The following IPO7 variants were observed in gnomAD, a reference collection of about 807,000 sequenced individuals.
IPO7 encodes the protein importin-7.
IPO7 carries 13 observed loss-of-function variants against 136.4 expected under a neutral mutation model. The observed-to-expected ratio is 0.10, with a 90% CI of 0.06 to 0.15. The LOEUF (loss-of-function observed/expected upper bound fraction) is 0.15. Among genes scored for constraint, IPO7 ranks in the 10% least tolerant of loss-of-function variants. The pLI, the probability that IPO7 is intolerant of heterozygous loss-of-function variation, is 1.00. For missense variants in IPO7, 857 were observed against 1,240.6 expected (o/e 0.69, Z 4.65); for synonymous variants, 403 against 404.4 (o/e 1.00, Z 0.04).
chr11:9,389,781 G>C (rs1295887343), intron 1 of IPO7, among the ~76,000 whole-genome samples: 2 of 147,546 alleles, frequency 1.4e-5, no homozygotes. Flanking sequence ...TTTTTTTTGA[G>C]TGGAGTTTCG....
intron 8 of IPO7, among the ~76,000 whole-genome samples, chr11:9,422,015 C>G (rs1346806283): frequency 6.6e-6 from 1 of 152,084 alleles, no homozygotes; most frequent in Non-Finnish European, 1.5e-5. Context: ...CGCGGTGGCT[C>G]ACGCCTATAA....
At chr11:9,398,435 C>T (rs918934724) in intron 1 of IPO7, among the ~76,000 whole-genome samples, 2 of 152,140 alleles carry the variant, frequency 1.3e-5, no homozygotes, top group Non-Finnish European at 2.9e-5. Flanking sequence ...GCAGAAAAGG[C>T]TTCTGTAAGG....
At chr11:9,434,105 T>C (rs778631938) in intron 18 of IPO7, among the ~76,000 whole-genome samples, 1 of 152,014 alleles carries the variant, frequency 6.6e-6, no homozygotes, top group Non-Finnish European at 1.5e-5. Flanking sequence ...GTATTTTTAG[T>C]AGAGACAGAG....
chr11:9,400,797 A>G (rs1283437010), intron 1 of IPO7, among the ~76,000 whole-genome samples: 2 of 152,230 alleles, frequency 1.3e-5, no homozygotes, highest in African/African-American at 2.4e-5. Flanking sequence ...TTTACATTCA[A>G]TGGAAAATTA....
intron 22 of IPO7, among the ~76,000 whole-genome samples, chr11:9,438,882 GT>G (rs1439472492): frequency 6.6e-6 from 1 of 152,130 alleles, no homozygotes; most frequent in Admixed American, 6.6e-5. Flanking sequence ...TTCTTCAAAA[GT>G]TTTCTATCCG....
intron 6 of IPO7, among the ~76,000 whole-genome samples, chr11:9,419,877 A>G (rs1045203272): frequency 6.6e-6 from 1 of 152,144 alleles, no homozygotes; most frequent in Admixed American, 6.6e-5. Context: ...GGCCTTGACT[A>G]TACTATTTAG....
At chr11:9,415,623 G>A (rs890717758) in intron 5 of IPO7, among the ~76,000 whole-genome samples, 2 of 152,098 alleles carry the variant, frequency 1.3e-5, no homozygotes, top group African/African-American at 4.8e-5. Flanking sequence ...CGGATCACGA[G>A]GTCAGGAGGT....
chr11:9,391,294 G>A (rs1164446510), intron 1 of IPO7, among the ~76,000 whole-genome samples: 6 of 152,070 alleles, frequency 3.9e-5, no homozygotes, highest in African/African-American at 1.4e-4. Context: ...AGCTACTTGG[G>A]AGACTGAGGC....
intron 2 of IPO7, among the ~76,000 whole-genome samples, chr11:9,406,723 A>G (rs188380985): frequency 6.6e-6 from 1 of 151,986 alleles, no homozygotes; most frequent in Non-Finnish European, 1.5e-5. Context: ...ATACAAAAAA[A>G]TTAGCCGGGT....
Position 9,386,759 on chromosome 11 carries a change from A to C in IPO7, c.84+1912A>C, listed in dbSNP as rs2133713537. On this transcript the variant is annotated intron_variant, in intron 1 of 24. Coordinates refer to ENST00000379719, the MANE Select transcript of IPO7 (RefSeq NM_006391.3). ...TGGAAGATAAACAAATGATCAAAATAGTATTCAATGCCTTTTTTACTTAAC... is the reference window on the plus strand; with the variant it reads ...TGGAAGATAAACAAATGATCAAAATCGTATTCAATGCCTTTTTTACTTAAC... Among the ~76,000 whole-genome samples the C allele has an allele frequency of 1.3e-5, 2 of 152,340 alleles. 1 individual carries two copies. The highest frequency in any genetic ancestry group is 4.1e-4 in the South Asian group (2 of 4,834).
chr11:9,391,875 T>G (rs948475403), intron 1 of IPO7, among the ~76,000 whole-genome samples: 2 of 152,090 alleles, frequency 1.3e-5, no homozygotes, highest in African/African-American at 4.8e-5. Flanking sequence ...TAAGCTATCC[T>G]CCTGCCTTAG....
chr11:9,420,450 C>T lies in IPO7; in HGVS notation c.766C>T (p.Pro256Ser), dbSNP rs1233097048. The T allele has an allele frequency of 6.2e-7, 1 of 1,612,062 alleles. No individual in the cohort carries two copies. The highest frequency in any genetic ancestry group is 8.5e-7 in the Non-Finnish European group (1 of 1,179,464). The change falls in exon 7 of 25, where the codon CCA (proline) becomes TCA (serine). Residue 256 changes from proline (P) to serine (S), a missense_variant. Pro to Ser is a moderately conservative substitution (Grantham distance 74, BLOSUM62 -1). Coordinates refer to ENST00000379719, the MANE Select transcript of IPO7 (RefSeq NM_006391.3). ...TGAAGAAGATGATCGACCTGAGTTA[C>T]CATGGTGGAAATGCAAGAAGTGGGC... The part of the protein sequence containing the change: ...QVEEDDRPEL[P>S]WWKCKKWALH...
At position 9,435,133 on chromosome 11, in the gene IPO7, A is replaced by T. The variant is rs914285542; in HGVS notation, c.2172+102A>T. 1.2e-5 allele frequency: 9 copies of T among 733,828 alleles called. No homozygotes were observed. In the Admixed American group the frequency reaches 1.7e-4, roughly 14 times the overall value. 45.5% of individuals were successfully genotyped at this position (733,828 alleles called of 1,614,324 possible). A position where few individuals can be genotyped will look rare whatever the true frequency, so the allele number is the denominator to read the frequency against. ...CCACATTGTAGTAATAAACATGTAA[A>T]CATGGATCTGACAGAATTAAGGGCT... On this transcript the variant is annotated intron_variant, in intron 19 of 24. Transcript: ENST00000379719.
intron 1 of IPO7, among the ~76,000 whole-genome samples, chr11:9,392,948 A>AG (rs1455021005): frequency 1.8e-4 from 27 of 146,784 alleles, no homozygotes; most frequent in African/African-American, 6.6e-4. Flanking sequence ...CTCTGTCTCA[A>AG]AAAAAAAAAA....
chr11:9,389,973 T>C (rs1854605635), intron 1 of IPO7, among the ~76,000 whole-genome samples: 2 of 152,146 alleles, frequency 1.3e-5, no homozygotes, highest in African/African-American at 4.8e-5. Flanking sequence ...GCCAGCCTGG[T>C]CTTGAACTCC....
chr11:9,399,825 G>GTT (rs1385898047), intron 1 of IPO7, among the ~76,000 whole-genome samples: 1 of 152,152 alleles, frequency 6.6e-6, no homozygotes, highest in Non-Finnish European at 1.5e-5. Flanking sequence ...GGTTGGCAAT[G>GTT]TTCACATCTA....
At chr11:9,432,787 G>A (rs1184097770) in intron 16 of IPO7, among the ~76,000 whole-genome samples, 2 of 152,084 alleles carry the variant, frequency 1.3e-5, no homozygotes, top group Non-Finnish European at 2.9e-5. Flanking sequence ...TCAGTCTTGA[G>A]TTGGGGGCTG....
At chr11:9,441,154 C>T (rs193042844) in intron 23 of IPO7, among the ~76,000 whole-genome samples, 9 of 152,112 alleles carry the variant, frequency 5.9e-5, no homozygotes, top group African/African-American at 1.9e-4. Context: ...TTAGCACTTT[C>T]GGCATAATCA....
Position 9,440,442 on chromosome 11 carries a change from T to C in IPO7, c.2696-13T>C. 6.2e-7 allele frequency: 1 copy of C among 1,600,808 alleles called. No individual in the cohort carries two copies. Among genetic ancestry groups the C allele is most frequent in the South Asian group, 1.1e-5 (1 of 90,760 alleles). ...GTCATTGTTATAAAAGTACTTATAT[T>C]ATGACTTGGCAGAGGAACTGGGGAG... On this transcript the variant is annotated splice_polypyrimidine_tract_variant and intron_variant, in intron 22 of 24. Coordinates refer to ENST00000379719, the MANE Select transcript of IPO7 (RefSeq NM_006391.3).
Sources: allele counts gnomAD v4.1 joint callset (sites outside exome capture counted in the v4.1 genomes callset), GRCh38; gene constraint gnomAD v4.1.1; transcripts MANE v1.5; gene names NCBI Gene and HGNC (gene_info 2026-07-23, HGNC 2026-07-21).